Variants in ZPBP observed in about 807,000 individuals in gnomAD.
ZPBP encodes zona pellucida binding protein, also known as zona pellucida-binding protein 1.
A neutral mutation model predicts 44.8 loss-of-function variants in ZPBP; 26 were observed. The ratio of observed to expected loss-of-function variants is 0.58; its 90% CI spans 0.43 to 0.81. The LOEUF is 0.81. Ranked by LOEUF, ZPBP falls within the 30% of genes least tolerant of loss-of-function variation. The pLI is 0.00. For synonymous variants in ZPBP, 174 were observed against 153.2 expected (o/e 1.14, Z -1.00); for missense variants, 409 against 434.0 (o/e 0.94, Z 0.51).
intron 1 of ZPBP, among the ~76,000 whole-genome samples, chr7:49,926,233 G>A (rs1187536097): frequency 6.6e-6 from 1 of 152,210 alleles, no homozygotes; most frequent in Non-Finnish European, 1.5e-5. Context: ...GCCATGAATG[G>A]TGTGTCCTTG....
chr7:49,847,256 G>A (rs926358248), downstream of ZPBP, among the ~76,000 whole-genome samples: 2 of 149,974 alleles, frequency 1.3e-5, no homozygotes, highest in Admixed American at 1.3e-4. Context: ...ATATAATTAG[G>A]TTGTAAATTC....
intron 4 of ZPBP, among the ~76,000 whole-genome samples, chr7:50,050,788 CAAAAAA>C (rs751875216): frequency 3.7e-5 from 1 of 26,846 alleles, no homozygotes; most frequent in African/African-American, 1.5e-4. Context: ...GACTCCGTCT[CAAAAAA>C]AAAAAAAAAA....
At chr7:50,061,491 A>G (rs945596215) in intron 3 of ZPBP, among the ~76,000 whole-genome samples, 4 of 152,208 alleles carry the variant, frequency 2.6e-5, no homozygotes, top group Admixed American at 2.6e-4. Flanking sequence ...ATTTGAGGCC[A>G]TGAGTTCAAG....
At chr7:50,008,697 A>C (rs1798426314) in intron 6 of ZPBP, among the ~76,000 whole-genome samples, 1 of 152,108 alleles carries the variant, frequency 6.6e-6, no homozygotes, top group Non-Finnish European at 1.5e-5. Context: ...AGAATACAGA[A>C]ACCAGAAATA....
intron 2 of ZPBP, among the ~76,000 whole-genome samples, chr7:49,874,433 G>A (rs957091256): frequency 3.3e-5 from 5 of 151,564 alleles, no homozygotes; most frequent in African/African-American, 1.2e-4. Context: ...TGTGTAGAAG[G>A]CTGTACTATC....
chr7:49,853,629 CAT>C (rs1268200431), intron 2 of ZPBP, among the ~76,000 whole-genome samples: 30 of 151,822 alleles, frequency 2.0e-4, no homozygotes, highest in Admixed American at 1.3e-4. Context: ...CTTTACGTAA[CAT>C]AAAGTATGTT....
rs751839673 is a variant in ZPBP at position 50,093,059 on chromosome 7, G to C, written c.127+9C>G. ...CCTGCGGAGCCGGCAGGGCGGCGCGGACCCTCACCTGATGAGGGCACCCGC... is the reference window on the plus strand; with the variant it reads ...CCTGCGGAGCCGGCAGGGCGGCGCGCACCCTCACCTGATGAGGGCACCCGC... On this transcript the variant is annotated intron_variant, in intron 1 of 7. Coordinates refer to ENST00000046087, the MANE Select transcript of ZPBP (RefSeq NM_007009.3). 5.4e-5 allele frequency: 86 copies of C among 1,598,202 alleles called. No homozygotes were observed. Among genetic ancestry groups the C allele is most frequent in the Non-Finnish European group, 1.4e-5 (17 of 1,173,220 alleles).
intron 4 of ZPBP, among the ~76,000 whole-genome samples, chr7:50,056,974 A>G (rs1002677504): frequency 6.6e-6 from 1 of 152,094 alleles, no homozygotes; most frequent in African/African-American, 2.4e-5. Context: ...TCATGAGGTC[A>G]GGAAATCGAG....
intron 2 of ZPBP, among the ~76,000 whole-genome samples, chr7:49,894,881 G>A (rs955280800): frequency 1.3e-5 from 2 of 152,226 alleles, no homozygotes; most frequent in Non-Finnish European, 2.9e-5. Context: ...GGCAACTAGG[G>A]CAGCAGTAGG....
chr7:49,942,089 C>A (rs2128753626), intron 7 of ZPBP, among the ~76,000 whole-genome samples: 1 of 152,162 alleles, frequency 6.6e-6, no homozygotes, highest in Admixed American at 6.6e-5. Context: ...ATTCTTAGAC[C>A]ATATACAAAA....
At chr7:50,048,704 T>C (rs950386574) in intron 4 of ZPBP, among the ~76,000 whole-genome samples, 9 of 152,068 alleles carry the variant, frequency 5.9e-5, no homozygotes, top group Admixed American at 5.2e-4. Flanking sequence ...AGGGAAATAA[T>C]ATGCCATAGG....
chr7:49,867,148 ACAGACTAGC>A (rs1360657049), intron 2 of ZPBP, among the ~76,000 whole-genome samples: 1 of 152,206 alleles, frequency 6.6e-6, no homozygotes, highest in Non-Finnish European at 1.5e-5. Flanking sequence ...AACAACACAC[ACAGACTAGC>A]CTGCAAGGAA....
rs563471918 is a variant in ZPBP, at chr7:50,014,017, C to G, written c.783+4223G>C. Among the ~76,000 whole-genome samples the G allele has an allele frequency of 5.3e-5, 8 of 152,100 alleles. No homozygotes were observed. In the South Asian group the frequency reaches 1.7e-3, roughly 32 times the overall value. On this transcript the variant is annotated intron_variant, in intron 6 of 7. Coordinates refer to ENST00000046087, the MANE Select transcript of ZPBP (RefSeq NM_007009.3). ...CTACTACATTGCATACATAAGGTAA[C>G]CTGTCTATATGTTGATTCTCCTACT...
intron 2 of ZPBP, among the ~76,000 whole-genome samples, chr7:49,862,699 T>C (rs1318697882): frequency 2.0e-4 from 31 of 152,074 alleles, no homozygotes; most frequent in Admixed American, 2.0e-3. Context: ...TTAAATGCTT[T>C]ATCTGCATCA....
In ZPBP at chr7:49,877,477, AAAAAATATATATAT is replaced by A. The variant is rs1360995914; in HGVS notation, n.509+23627_509+23640del. Reference sequence around the variant, plus strand: ...AACTCTGTCTCAAAAAAAAAAAAAAAAAAAATATATATATATATATATATATATATATATATATA... The same window carrying A: ...AACTCTGTCTCAAAAAAAAAAAAAAAATATATATATATATATATATATATA... On this transcript the variant is annotated intron_variant and non_coding_transcript_variant, in intron 2 of 2. Transcript: ENST00000465922. Among the ~76,000 whole-genome samples the A allele has an allele frequency of 8.7e-4, 15 of 17,298 alleles. 3 individuals are homozygous for A. The East Asian group carries it at 0.033, about 38-fold the overall frequency. The allele number at this position is 17,298 out of a possible 152,430, so 11.3% of individuals were successfully genotyped here.
At chr7:49,865,499 G>A (rs762929745) in intron 2 of ZPBP, among the ~76,000 whole-genome samples, 4 of 152,166 alleles carry the variant, frequency 2.6e-5, no homozygotes, top group Non-Finnish European at 5.9e-5. Flanking sequence ...ATATGTCTGG[G>A]CTGGTGTGGT....
intron 2 of ZPBP, among the ~76,000 whole-genome samples, chr7:49,867,818 C>A (rs1002692735): frequency 1.3e-5 from 2 of 148,538 alleles, no homozygotes; most frequent in African/African-American, 4.9e-5. Context: ...ACATTATTTT[C>A]TATTTTTTAT....
At chr7:49,947,767 T>C (rs979521276) in intron 7 of ZPBP, among the ~76,000 whole-genome samples, 1 of 152,166 alleles carries the variant, frequency 6.6e-6, no homozygotes, top group Non-Finnish European at 1.5e-5. Flanking sequence ...AGGTAGTGAG[T>C]CCAGCCAGGC....
At chr7:49,905,761 T>C (rs1488331382) in intron 1 of ZPBP, among the ~76,000 whole-genome samples, 1 of 150,264 alleles carries the variant, frequency 6.7e-6, no homozygotes, top group Non-Finnish European at 1.5e-5. Context: ...CGAGATAGGA[T>C]GTTGGCGCAA....
Sources: gnomAD v4.1 joint callset for allele counts (sites outside exome capture counted in the v4.1 genomes callset) on GRCh38, gnomAD v4.1.1 for gene constraint, MANE v1.5 for transcripts, NCBI Gene and HGNC (gene_info 2026-07-23, HGNC 2026-07-21) for gene names.